Variants in PRKCE observed in about 807,000 individuals in gnomAD.
PRKCE encodes the protein protein kinase C epsilon, also known as protein kinase C epsilon type.
A neutral mutation model predicts 85.4 loss-of-function variants in PRKCE; 16 were observed. That is an observed-to-expected ratio of 0.19 (90% CI 0.13 to 0.28). The LOEUF is 0.28. Ranked by LOEUF, PRKCE falls within the 10% of genes least tolerant of loss-of-function variation. PRKCE has a pLI of 1.00. For synonymous variants in PRKCE, 388 were observed against 371.5 expected, an observed-to-expected ratio of 1.04 and a Z score of -0.51; for missense variants, 573 against 975.2, an observed-to-expected ratio of 0.59 and a Z score of 5.49.
At chr2:45,716,541 AAAAGAAAGAAAGGAAGAAAAAG>A (rs1680104082) in intron 1 of PRKCE, among the ~76,000 whole-genome samples, 1 of 142,964 alleles carries the variant, frequency 7.0e-6, no homozygotes, top group Non-Finnish European at 1.6e-5. Flanking sequence ...GAAAGAAAGA[AAAAGAAAGAAAGGAAGAAAAAG>A]AAAGAAAGGA....
intron 6 of PRKCE, among the ~76,000 whole-genome samples, chr2:45,997,553 A>G (rs1384302855): frequency 1.3e-5 from 2 of 151,006 alleles, no homozygotes; most frequent in East Asian, 3.9e-4. Flanking sequence ...TATTTTATTT[A>G]TTTATTTTTT....
At chr2:45,803,404 G>A (rs1688017781) in intron 1 of PRKCE, among the ~76,000 whole-genome samples, 1 of 152,222 alleles carries the variant, frequency 6.6e-6, no homozygotes, top group African/African-American at 2.4e-5. Flanking sequence ...AGTCTCTAGT[G>A]TTTATTCCCC....
At chr2:45,730,948 C>A (rs928780078) in intron 1 of PRKCE, among the ~76,000 whole-genome samples, 3 of 152,064 alleles carry the variant, frequency 2.0e-5, no homozygotes, top group African/African-American at 7.2e-5. Flanking sequence ...CAATGATATT[C>A]CTGGATTTAT....
At chr2:45,784,315 G>T (rs142234931) in intron 1 of PRKCE, among the ~76,000 whole-genome samples, 1 of 152,252 alleles carries the variant, frequency 6.6e-6, no homozygotes, top group African/African-American at 2.4e-5. Context: ...CCCTGTAGGC[G>T]TGAGGGCCAC....
intron 10 of PRKCE, among the ~76,000 whole-genome samples, chr2:46,059,286 C>T (rs967944442): frequency 6.6e-6 from 1 of 152,052 alleles, no homozygotes; most frequent in African/African-American, 2.4e-5. Flanking sequence ...AGACCTCAAC[C>T]CTTGACCCTC....
intron 11 of PRKCE, among the ~76,000 whole-genome samples, chr2:46,122,963 A>G (rs1178319196): frequency 6.7e-6 from 1 of 150,094 alleles, no homozygotes; most frequent in African/African-American, 2.5e-5. Flanking sequence ...GGTGAAGCCA[A>G]ATTATTTTTT....
At position 46,105,526 on chromosome 2, in the gene PRKCE, C is replaced by G. The variant is rs1039164996; in HGVS notation, c.1592+19164C>G. On this transcript the variant is annotated intron_variant, in intron 11 of 14. Transcript: ENST00000306156. ...ATGTCAGGCAACCACAGATGCATAC[C>G]TCAATCTGTGGCACGTATCAAGAAA... is the stretch of plus-strand genomic sequence containing the variant. Among the ~76,000 whole-genome samples, 6 of 151,462 alleles carry G rather than the reference C, an allele frequency of 4.0e-5. 1 individual carries two copies. In the Middle Eastern group the frequency reaches 0.014, roughly 346 times the overall value.
At chr2:45,799,098 G>A (rs1356026103) in intron 1 of PRKCE, among the ~76,000 whole-genome samples, 2 of 151,774 alleles carry the variant, frequency 1.3e-5, no homozygotes, top group African/African-American at 4.8e-5. Context: ...CCAGGGAGGC[G>A]GAGCTTGCAG....
intron 1 of PRKCE, among the ~76,000 whole-genome samples, chr2:45,678,760 A>AT (rs1457409930): frequency 6.6e-6 from 1 of 151,758 alleles, no homozygotes; most frequent in Admixed American, 6.6e-5. Context: ...AATACATTAC[A>AT]TTTTTCAATT....
chr2:46,080,892 G>A (rs1254669509), intron 10 of PRKCE, among the ~76,000 whole-genome samples: 2 of 152,058 alleles, frequency 1.3e-5, no homozygotes, highest in African/African-American at 4.8e-5. Context: ...CCAGCTCCAG[G>A]TTCTGCAGAC....
intron 10 of PRKCE, among the ~76,000 whole-genome samples, chr2:46,029,386 T>A (rs1707356044): frequency 6.6e-6 from 1 of 152,204 alleles, no homozygotes; most frequent in Admixed American, 6.5e-5. Flanking sequence ...AACTTTTTTA[T>A]TTCCCCATTT....
At chr2:45,791,599 A>G (rs912190649) in intron 1 of PRKCE, among the ~76,000 whole-genome samples, 2 of 152,224 alleles carry the variant, frequency 1.3e-5, no homozygotes, top group Non-Finnish European at 2.9e-5. Context: ...TTGAGTAAAC[A>G]AATAGTAGCC....
intron 2 of PRKCE, among the ~76,000 whole-genome samples, chr2:45,922,355 T>C (rs760470429): frequency 1.1e-4 from 17 of 152,180 alleles, no homozygotes; most frequent in Non-Finnish European, 2.2e-4. Context: ...CTGGCTGAGC[T>C]GCTAACCCAC....
At chr2:46,000,626 A>C (rs969549325) in intron 6 of PRKCE, among the ~76,000 whole-genome samples, 1 of 151,682 alleles carries the variant, frequency 6.6e-6, no homozygotes, top group African/African-American at 2.4e-5. Flanking sequence ...ATTTACTATG[A>C]GAATCTAGTT....
chr2:45,833,329 A>C (rs1157428487), intron 1 of PRKCE, among the ~76,000 whole-genome samples: 2 of 152,184 alleles, frequency 1.3e-5, no homozygotes, highest in African/African-American at 2.4e-5. Flanking sequence ...GGATTCATTC[A>C]GTTCCACTTA....
chr2:45,769,129 T>C (rs1344492940), intron 1 of PRKCE, among the ~76,000 whole-genome samples: 1 of 152,254 alleles, frequency 6.6e-6, no homozygotes, highest in Non-Finnish European at 1.5e-5. Flanking sequence ...GATTAGTTTA[T>C]TTTTAATCAT....
chr2:45,933,529 A>T (rs1558852355), intron 2 of PRKCE, among the ~76,000 whole-genome samples: 1 of 123,662 alleles, frequency 8.1e-6, no homozygotes, highest in Non-Finnish European at 1.6e-5. Flanking sequence ...GCTGGAGTGC[A>T]GTGGCGCGAT....
intron 11 of PRKCE, among the ~76,000 whole-genome samples, chr2:46,135,293 A>G (rs984946829): frequency 4.6e-5 from 7 of 152,212 alleles, no homozygotes; most frequent in Non-Finnish European, 1.0e-4. Context: ...TATCCCATGA[A>G]AGGGCGGGCG....
At chr2:45,665,912 G>A (rs886816522) in intron 1 of PRKCE, among the ~76,000 whole-genome samples, 2 of 152,182 alleles carry the variant, frequency 1.3e-5, no homozygotes, top group Non-Finnish European at 2.9e-5. Flanking sequence ...GCAGAGGAGG[G>A]AAACGTAGCC....
Sources: allele counts gnomAD v4.1 joint callset (sites outside exome capture counted in the v4.1 genomes callset), GRCh38; gene constraint gnomAD v4.1.1; transcripts MANE v1.5; gene names NCBI Gene and HGNC (gene_info 2026-07-23, HGNC 2026-07-21).